The following FAAH2 variants were observed in gnomAD, a reference collection of about 807,000 sequenced individuals.
The protein encoded by FAAH2 is fatty acid amide hydrolase 2, also known as fatty-acid amide hydrolase 2.
FAAH2 carries 60 observed loss-of-function variants against 36.9 expected under a neutral mutation model. That is an observed-to-expected ratio of 1.63 (90% CI 1.32 to 2.02). FAAH2 has a LOEUF of 2.02. Ranked by LOEUF, FAAH2 falls within the 30% of genes most tolerant of loss-of-function variation. The pLI is 0.00. For synonymous variants in FAAH2, 214 were observed against 143.8 expected, an observed-to-expected ratio of 1.49 and a Z score of -3.49; for missense variants, 689 against 397.5, an observed-to-expected ratio of 1.73 and a Z score of -6.23.
chrX:57,442,644 C>T (rs1602681285), intron 8 of FAAH2, among the ~76,000 whole-genome samples: 1 of 111,846 alleles, frequency 8.9e-6, no homozygotes, highest in African/African-American at 3.3e-5. Flanking sequence ...CAATTTGATT[C>T]TGTCATTATG....
intron 7 of FAAH2, among the ~76,000 whole-genome samples, chrX:57,405,646 G>A (rs992574080): frequency 9.5e-6 from 1 of 105,049 alleles, no homozygotes; most frequent in African/African-American, 3.5e-5. Context: ...GGGGCCCAAG[G>A]GGGGTTGCCC....
chrX:57,200,242 A>G, the FAAH2 span, among the ~76,000 whole-genome samples: 2 of 107,223 alleles, frequency 1.9e-5, no homozygotes, highest in African/African-American at 6.8e-5. Flanking sequence ...TTTTTTATGT[A>G]TCTGTATGTT....
the FAAH2 span, among the ~76,000 whole-genome samples, chrX:57,207,541 T>A: frequency 8.9e-6 from 1 of 112,386 alleles, no homozygotes; most frequent in Non-Finnish European, 1.9e-5. Flanking sequence ...TATTTGTGAT[T>A]CCAAATCCTC....
chrX:57,273,000 G>A, the FAAH2 span, among the ~76,000 whole-genome samples: 1 of 111,901 alleles, frequency 8.9e-6, no homozygotes, highest in African/African-American at 3.3e-5. Flanking sequence ...ACCTCAGTGT[G>A]CTGTATTCAG....
At chrX:57,158,855 C>A in the FAAH2 span, among the ~76,000 whole-genome samples, 2 of 111,859 alleles carry the variant, frequency 1.8e-5, no homozygotes, top group African/African-American at 6.5e-5. Context: ...TTAATTAGAT[C>A]CCATTTGTCA....
intron 4 of FAAH2, among the ~76,000 whole-genome samples, chrX:57,334,266 T>TCA (rs1491098492): frequency 2.5e-4 from 2 of 8,139 alleles, no homozygotes; most frequent in African/African-American, 2.9e-4. Context: ...GGAGATTCCG[T>TCA]CTCACACACA....
intron 5 of FAAH2, among the ~76,000 whole-genome samples, chrX:57,368,340 G>A (rs2054470511): frequency 9.3e-6 from 1 of 107,779 alleles, no homozygotes; most frequent in Admixed American, 1.0e-4. Flanking sequence ...CTGGTGCTTT[G>A]CCTATGTGGG....
chrX:57,159,371 A>G, the FAAH2 span, among the ~76,000 whole-genome samples: 5 of 111,674 alleles, frequency 4.5e-5, no homozygotes, highest in Admixed American at 9.5e-5. Flanking sequence ...TTCCAATTCT[A>G]TGAAGAAAGT....
the FAAH2 span, among the ~76,000 whole-genome samples, chrX:57,141,086 C>A: frequency 8.9e-6 from 1 of 111,811 alleles, no homozygotes; most frequent in Admixed American, 9.5e-5. Flanking sequence ...TCATATATGA[C>A]CTTTATTCTT....
the FAAH2 span, among the ~76,000 whole-genome samples, chrX:57,179,686 C>T: frequency 9.0e-6 from 1 of 111,355 alleles, no homozygotes; most frequent in Admixed American, 9.6e-5. Flanking sequence ...TTCAGCAACC[C>T]ACTGACAGTA....
Position 57,453,927 on chromosome X carries a change from G to A in FAAH2, c.1423+5209G>A, listed in dbSNP as rs1297717471. On this transcript the variant is annotated intron_variant, in intron 10 of 10. Transcript: ENST00000374900. The stretch of plus-strand genomic sequence containing the variant: ...CACAGGGCCAGCCTGGCAAGGATAT[G>A]ACCTGTCTACTAAATGTGGTCCCTG... Among the ~76,000 whole-genome samples, 3 of 111,827 alleles carry A rather than the reference G, an allele frequency of 2.7e-5. No homozygotes were observed. The East Asian group carries it at 8.6e-4, about 32-fold the overall frequency.
At chrX:57,399,806 A>G (rs1470316325) in intron 7 of FAAH2, among the ~76,000 whole-genome samples, 1 of 111,932 alleles carries the variant, frequency 8.9e-6, no homozygotes, top group Non-Finnish European at 1.9e-5. Flanking sequence ...GTCTGTATAT[A>G]TATTTACCCT....
At chrX:57,396,741 A>G (rs965321074) in intron 7 of FAAH2, among the ~76,000 whole-genome samples, 4 of 111,832 alleles carry the variant, frequency 3.6e-5, no homozygotes, top group Non-Finnish European at 7.5e-5. Flanking sequence ...GAGCCTTGCT[A>G]TATGGCCAAG....
intron 5 of FAAH2, among the ~76,000 whole-genome samples, chrX:57,377,528 A>G (rs2054715991): frequency 1.8e-5 from 2 of 112,259 alleles, no homozygotes; most frequent in African/African-American, 6.5e-5. Flanking sequence ...TACCAGTACC[A>G]TGCTGTTTTG....
chrX:57,481,614 C>A (rs967642485), intron 10 of FAAH2, among the ~76,000 whole-genome samples: 2 of 112,038 alleles, frequency 1.8e-5, no homozygotes, highest in Non-Finnish European at 3.8e-5. Flanking sequence ...CCTCTGGAAG[C>A]TTTGTCCCAG....
chrX:57,271,314 AG>A, the FAAH2 span, among the ~76,000 whole-genome samples: 1 of 112,740 alleles, frequency 8.9e-6, no homozygotes, highest in South Asian at 3.6e-4. Flanking sequence ...TCTGTAAAAA[AG>A]GTAGCAGCCC....
In FAAH2 at chrX:57,343,139, C is replaced by T. The variant is rs151286371; in HGVS notation, c.742+1749C>T. Among the ~76,000 whole-genome samples the T allele has an allele frequency of 8.5e-3, 946 of 111,688 alleles. 8 individuals are homozygous for T. Among genetic ancestry groups the T allele is most frequent in the Middle Eastern group, 0.019 (4 of 216 alleles). On this transcript the variant is annotated intron_variant, in intron 5 of 10. Coordinates refer to ENST00000374900, the MANE Select transcript of FAAH2 (RefSeq NM_174912.4). ...AAATAATTTTCCTTGGAGTATATAT[C>T]TGGTAATGGGATCACTGGGTTAAAT...
At chrX:57,328,794 A>C (rs923703230) in intron 3 of FAAH2, among the ~76,000 whole-genome samples, 1 of 111,552 alleles carries the variant, frequency 9.0e-6, no homozygotes, top group Non-Finnish European at 1.9e-5. Flanking sequence ...GGTTCATTTG[A>C]CTGGCTTCAT....
At chrX:57,365,546 G>A (rs996989389) in intron 5 of FAAH2, among the ~76,000 whole-genome samples, 9 of 111,729 alleles carry the variant, frequency 8.1e-5, no homozygotes, top group Non-Finnish European at 1.3e-4. Context: ...TGGCATGGTT[G>A]TCTTGTGTAG....
Sources: allele counts gnomAD v4.1 joint callset (sites outside exome capture counted in the v4.1 genomes callset), GRCh38; gene constraint gnomAD v4.1.1; transcripts MANE v1.5; gene names NCBI Gene and HGNC (gene_info 2026-07-23, HGNC 2026-07-21).